The following MTMR9 variants were observed in gnomAD, a reference collection of about 807,000 sequenced individuals.
MTMR9 encodes myotubularin related protein 9.
Under a neutral mutation model 69.5 loss-of-function variants are expected in MTMR9, and 39 were observed. That is an observed-to-expected ratio of 0.56 (90% CI 0.43 to 0.73). MTMR9 has a LOEUF of 0.73. Among genes scored for constraint, MTMR9 ranks in the 30% least tolerant of loss-of-function variants. MTMR9 has a pLI of 0.00. For synonymous variants in MTMR9, 354 were observed against 240.8 expected, an observed-to-expected ratio of 1.47 and a Z score of -4.35; for missense variants, 900 against 671.2, an observed-to-expected ratio of 1.34 and a Z score of -3.77.
chr8:11,296,962 G>T (rs1342229568), intron 2 of MTMR9, among the ~76,000 whole-genome samples: 1 of 152,094 alleles, frequency 6.6e-6, no homozygotes, highest in Non-Finnish European at 1.5e-5. Context: ...AAATGGAAGA[G>T]CTCATACTGT....
chr8:11,302,679 C>G (rs1799792449), intron 3 of MTMR9, among the ~76,000 whole-genome samples: 2 of 152,086 alleles, frequency 1.3e-5, no homozygotes, highest in Admixed American at 1.3e-4. Flanking sequence ...GCAAGGATGT[C>G]CATTGTGACT....
At chr8:11,289,559 T>C (rs1177791578) in intron 1 of MTMR9, among the ~76,000 whole-genome samples, 1 of 152,192 alleles carries the variant, frequency 6.6e-6, no homozygotes, top group Non-Finnish European at 1.5e-5. Context: ...TCATGATTGA[T>C]TCCTTAAAAG....
chr8:11,298,933 T>C (rs1799655692), intron 2 of MTMR9: 1 of 924,732 alleles, frequency 1.1e-6, no homozygotes, highest in East Asian at 1.2e-4. Context: ...AATGGATCCC[T>C]GCAGCATGAA....
chr8:11,289,442 C>T (rs952355269), intron 1 of MTMR9, among the ~76,000 whole-genome samples: 4 of 151,742 alleles, frequency 2.6e-5, no homozygotes, highest in African/African-American at 9.7e-5. Context: ...TTATTTGATC[C>T]TTTCAACATG....
intron 6 of MTMR9, among the ~76,000 whole-genome samples, chr8:11,310,348 A>C (rs1235116824): frequency 6.6e-6 from 1 of 152,222 alleles, no homozygotes; most frequent in Non-Finnish European, 1.5e-5. Flanking sequence ...GTTTCTAAGA[A>C]GGGGATTCCA....
chr8:11,288,736 G>C (rs1799279484), intron 1 of MTMR9, among the ~76,000 whole-genome samples: 1 of 152,200 alleles, frequency 6.6e-6, no homozygotes, highest in Non-Finnish European at 1.5e-5. Flanking sequence ...GTTTTCATGG[G>C]AGCCCTTGGA....
chr8:11,332,336 C>G, downstream of MTMR9: 1 of 877,326 alleles, frequency 1.1e-6, no homozygotes, highest in South Asian at 2.7e-5. Flanking sequence ...GGCTTATTTA[C>G]AGGAATAAAA....
chr8:11,285,169 A>G, intron 1 of MTMR9, 99 bp downstream of exon 1: 1 of 1,254,266 alleles, frequency 8.0e-7, no homozygotes, highest in African/African-American at 1.5e-5. Flanking sequence ...CCTGCCGCCC[A>G]GCTAGCCGGC....
intron 5 of MTMR9, among the ~76,000 whole-genome samples, chr8:11,308,701 T>G (rs1008737829): frequency 6.6e-6 from 1 of 152,268 alleles, no homozygotes; most frequent in Admixed American, 6.5e-5. Context: ...ATATCTCATC[T>G]TTATTTCTGA....
At chr8:11,299,807 G>C (rs1799688191) in intron 2 of MTMR9, among the ~76,000 whole-genome samples, 2 of 129,378 alleles carry the variant, frequency 1.5e-5, no homozygotes, top group Admixed American at 1.6e-4. Context: ...ACTTTTGAGT[G>C]TGTGTTATGT....
At chr8:11,328,373 T>TG (rs58161499), downstream of MTMR9, among the ~76,000 whole-genome samples, 41,804 of 128,728 alleles carry the variant, frequency 0.32, 7,163 homozygotes, top group East Asian at 0.62. Flanking sequence ...GTGTGTGTGT[T>TG]TGTTACACTG....
At chr8:11,285,106 C>A in intron 1 of MTMR9, 36 bp downstream of exon 1, 1 of 1,502,258 alleles carries the variant, frequency 6.7e-7, no homozygotes, top group Non-Finnish European at 8.9e-7. Flanking sequence ...CGCAGGGAGC[C>A]GGGGGTCCCT....
chr8:11,300,003 T>C lies in MTMR9; in HGVS notation c.292-20T>C. 6.3e-7 allele frequency: 1 copy of C among 1,599,652 alleles called. No individual in the cohort carries two copies. The highest frequency in any genetic ancestry group is 8.5e-7 in the Non-Finnish European group (1 of 1,175,214). On this transcript the variant is annotated intron_variant, in intron 2 of 9. Transcript: ENST00000221086. ...GTTGTGGATGTTTCTTTTTTGTCTT[T>C]CTTTTCTTTTTGCCCCCAGGCATTG...
At chr8:11,305,035 C>A (rs759813200) in intron 4 of MTMR9, 21 bp downstream of exon 4, 2 of 1,606,240 alleles carry the variant, frequency 1.2e-6, no homozygotes, top group Non-Finnish European at 1.7e-6. Flanking sequence ...AGCACTACTG[C>A]TTGATGTACT....
At chr8:11,301,481 T>C (rs990532204) in intron 3 of MTMR9, among the ~76,000 whole-genome samples, 1 of 152,220 alleles carries the variant, frequency 6.6e-6, no homozygotes, top group African/African-American at 2.4e-5. Context: ...GACCCTTACC[T>C]CACATCATCC....
At chr8:11,339,091 G>A in the MTMR9 span, among the ~76,000 whole-genome samples, 1 of 152,192 alleles carries the variant, frequency 6.6e-6, no homozygotes, top group African/African-American at 2.4e-5. Context: ...CCATTCTCCA[G>A]GACTAAAGGA....
downstream of MTMR9, among the ~76,000 whole-genome samples, chr8:11,330,512 T>C (rs1351595141): frequency 2.0e-5 from 3 of 152,086 alleles, no homozygotes; most frequent in Non-Finnish European, 2.9e-5. Context: ...AGAAATCAGA[T>C]TGTTGCTGTG....
downstream of MTMR9, chr8:11,331,402 A>C (rs762619551): frequency 5.6e-6 from 9 of 1,613,744 alleles, no homozygotes; most frequent in South Asian, 8.8e-5. Flanking sequence ...GGACCTCCTG[A>C]CATCCGAGGC....
intron 1 of MTMR9, among the ~76,000 whole-genome samples, chr8:11,289,390 A>G (rs971200128): frequency 6.6e-6 from 1 of 152,222 alleles, no homozygotes; most frequent in Admixed American, 6.5e-5. Context: ...ATAATGCTTC[A>G]CAAGTCTGTG....
Sources: gnomAD v4.1 joint callset for allele counts (sites outside exome capture counted in the v4.1 genomes callset) on GRCh38, gnomAD v4.1.1 for gene constraint, MANE v1.5 for transcripts, NCBI Gene and HGNC (gene_info 2026-07-23, HGNC 2026-07-21) for gene names.